MAST4: variants seen among roughly 807,000 people sequenced by gnomAD.
The protein encoded by MAST4 is microtubule associated serine/threonine kinase family member 4.
In MAST4, 89 loss-of-function variants were observed where a neutral mutation model predicts 162.7. The observed-to-expected ratio is 0.55, with a 90% CI of 0.46 to 0.65. The LOEUF is 0.65. MAST4 is among the 30% of genes least tolerant of loss of function. The probability of loss-of-function intolerance (pLI) is 0.00; values close to 1 mark genes in which losing one functional copy is unlikely to be tolerated. For missense variants in MAST4, 3,153 were observed against 3,374.0 expected, an observed-to-expected ratio of 0.93 and a Z score of 1.62; for synonymous variants, 1,479 against 1,361.1, an observed-to-expected ratio of 1.09 and a Z score of -1.91.
chr5:66,899,783 G>A (rs923969465), intron 3 of MAST4, among the ~76,000 whole-genome samples, 168 bp from the exon 4 acceptor site: 14 of 152,212 alleles, frequency 9.2e-5, no homozygotes, highest in African/African-American at 2.6e-4. Context: ...AAAGAGAACC[G>A]TGTAAGAAGG....
intron 4 of MAST4, among the ~76,000 whole-genome samples, chr5:66,936,987 C>G (rs1742819253): frequency 6.6e-6 from 1 of 152,168 alleles, no homozygotes; most frequent in Admixed American, 6.5e-5. Context: ...ATTATATCTC[C>G]CACTGCTTTC....
intron 19 of MAST4, among the ~76,000 whole-genome samples, chr5:67,140,589 T>C (rs1410703501): frequency 6.6e-6 from 1 of 152,200 alleles, no homozygotes; most frequent in African/African-American, 2.4e-5. Flanking sequence ...TGGGCTTGGG[T>C]GTTTTTAGGC....
At chr5:66,644,850 C>T (rs17209998) in intron 1 of MAST4, among the ~76,000 whole-genome samples, 37,432 of 150,792 alleles carry the variant, frequency 0.25, 4,919 homozygotes, top group Admixed American at 0.36. Context: ...CAGACTCTGA[C>T]TGTGGTGGGT....
At chr5:66,786,112 G>T (rs1055349557) in intron 2 of MAST4, among the ~76,000 whole-genome samples, 1 of 152,048 alleles carries the variant, frequency 6.6e-6, no homozygotes, top group Non-Finnish European at 1.5e-5. Flanking sequence ...CGAGGGATCC[G>T]CTCACCTCGG....
intron 3 of MAST4, among the ~76,000 whole-genome samples, chr5:66,801,334 G>A (rs116511629): frequency 7.9e-5 from 12 of 151,940 alleles, no homozygotes; most frequent in Admixed American, 3.3e-4. Context: ...GGGAGGTTAG[G>A]GTGTACTTGG....
intron 4 of MAST4, among the ~76,000 whole-genome samples, chr5:67,049,840 G>A (rs1186586004): frequency 6.6e-6 from 1 of 152,090 alleles, no homozygotes; most frequent in African/African-American, 2.4e-5. Context: ...AATTAAGTTG[G>A]ATTTCAGCTA....
Position 67,131,890 on chromosome 5 carries a change from G to A in MAST4, c.2032G>A (p.Val678Ile), listed in dbSNP as rs1258095164. Residue 678 changes from valine to isoleucine, a missense_variant, in exon 16 of 29, where the codon GTC becomes ATC. Transcript: ENST00000403625. ...GGCCAGAATGTACTTTGCTGAGACG[G>A]TCTTGGCCTTGGAATATTTACATAA... is the stretch of plus-strand genomic sequence containing the variant. ...DMARMYFAET[V>I]LALEYLHNYG... is the part of the protein sequence containing the mutation. 6.8e-6 allele frequency: 11 copies of A among 1,613,330 alleles called. No homozygotes were observed. The highest frequency in any genetic ancestry group is 9.3e-6 in the Non-Finnish European group (11 of 1,179,422).
intron 1 of MAST4, among the ~76,000 whole-genome samples, chr5:66,650,437 T>C (rs532363820): frequency 2.0e-5 from 3 of 152,266 alleles, no homozygotes; most frequent in East Asian, 1.9e-4. Flanking sequence ...GCCACCGATA[T>C]GACATCACTG....
chr5:66,855,332 T>C (rs1358541764), intron 3 of MAST4, among the ~76,000 whole-genome samples: 1 of 152,218 alleles, frequency 6.6e-6, no homozygotes, highest in African/African-American at 2.4e-5. Flanking sequence ...AAAAGCTCCC[T>C]GAGGCTTCCC....
At chr5:66,788,607 C>CCAAACCAAAAAAAAAAAA in intron 2 of MAST4, 63 bp from the exon 3 acceptor site, 1 of 1,373,726 alleles carries the variant, frequency 7.3e-7, no homozygotes, top group East Asian at 2.7e-5. Context: ...CCCCCACCCC[C>CCAAACCAAAAAAAAAAAA]ATTGCAATAA....
chr5:67,098,546 A>G (rs1169154333), intron 7 of MAST4, among the ~76,000 whole-genome samples: 1 of 152,176 alleles, frequency 6.6e-6, no homozygotes, highest in Non-Finnish European at 1.5e-5. Flanking sequence ...CTATCAAATG[A>G]TATGATTTAA....
intron 3 of MAST4, among the ~76,000 whole-genome samples, chr5:66,791,863 C>A (rs1474103248): frequency 2.0e-5 from 3 of 152,120 alleles, no homozygotes; most frequent in Non-Finnish European, 1.5e-5. Flanking sequence ...GAGCAGCAGC[C>A]AGAGGAGAGC....
At chr5:67,038,241 C>CTTT (rs55716804) in intron 4 of MAST4, among the ~76,000 whole-genome samples, 7 of 144,096 alleles carry the variant, frequency 4.9e-5, no homozygotes, top group African/African-American at 1.3e-4. Context: ...TTTAGTTTCT[C>CTTT]TTTTTTTTTT....
chr5:66,643,722 G>T (rs1016729722), intron 1 of MAST4, among the ~76,000 whole-genome samples: 22 of 151,524 alleles, frequency 1.5e-4, no homozygotes, highest in Non-Finnish European at 7.4e-5. Flanking sequence ...ACTCCTCTTG[G>T]TTCAATCTAC....
At chr5:66,904,274 C>T (rs1400142878) in intron 4 of MAST4, among the ~76,000 whole-genome samples, 1 of 152,104 alleles carries the variant, frequency 6.6e-6, no homozygotes, top group Non-Finnish European at 1.5e-5. Context: ...TAAAGGACCC[C>T]TTTGTGTTTT....
At chr5:66,856,984 T>C (rs953517629) in intron 3 of MAST4, among the ~76,000 whole-genome samples, 5 of 152,228 alleles carry the variant, frequency 3.3e-5, no homozygotes, top group African/African-American at 1.2e-4. Context: ...GAGTACTCTT[T>C]ATAAAAGCAA....
intron 4 of MAST4, among the ~76,000 whole-genome samples, chr5:67,035,711 T>G (rs1448390255): frequency 1.3e-5 from 2 of 152,120 alleles, no homozygotes; most frequent in Non-Finnish European, 2.9e-5. Context: ...CACTGTGTGT[T>G]GCTCACCTCT....
At position 66,596,916 on chromosome 5, in the gene MAST4, G is replaced by C. The variant is rs6867878; in HGVS notation, c.261G>C (p.Leu87=). Residue 87 remains leucine (L), a synonymous_variant, in exon 1 of 29, where the codon CTG becomes CTC. Coordinates refer to ENST00000403625, the MANE Select transcript of MAST4 (RefSeq NM_001164664.2). ...APAAWAPASV[L]LERGVLALPP... ...CCGCGTGGGCTCCGGCAAGCGTGCT[G>C]CTGGAGCGCGGAGTCCTTGCGCTGC... 2 of 1,318,340 alleles carry C rather than the reference G, an allele frequency of 1.5e-6. No individual in the cohort carries two copies. The highest frequency in any genetic ancestry group is 1.5e-5 in the African/African-American group (1 of 64,964). 81.7% of individuals were successfully genotyped at this position (1,318,340 alleles called of 1,614,324 possible).
At chr5:66,760,995 G>A (rs1167212790) in intron 2 of MAST4, among the ~76,000 whole-genome samples, 5 of 152,056 alleles carry the variant, frequency 3.3e-5, no homozygotes, top group Admixed American at 2.0e-4. Flanking sequence ...ACTGCTAAAC[G>A]GTTTTCTAAA....
Sources: gnomAD v4.1 joint callset for allele counts (sites outside exome capture counted in the v4.1 genomes callset) on GRCh38, gnomAD v4.1.1 for gene constraint, MANE v1.5 for transcripts, NCBI Gene and HGNC (gene_info 2026-07-23, HGNC 2026-07-21) for gene names.